Variants in PTPRD observed in about 807,000 individuals in gnomAD.
PTPRD encodes protein tyrosine phosphatase receptor type D.
A neutral mutation model predicts 214.5 loss-of-function variants in PTPRD; 34 were observed. The observed-to-expected ratio is 0.16, with a 90% CI of 0.12 to 0.21. PTPRD has a LOEUF of 0.21. PTPRD is among the 10% of genes least tolerant of loss of function. The probability of loss-of-function intolerance (pLI) is 1.00; values close to 1 mark genes in which losing one functional copy is unlikely to be tolerated. For synonymous variants in PTPRD, 1,128 were observed against 845.7 expected, an observed-to-expected ratio of 1.33 and a Z score of -5.79; for missense variants, 2,545 against 2,398.7, an observed-to-expected ratio of 1.06 and a Z score of -1.27.
intron 5 of PTPRD, among the ~76,000 whole-genome samples, chr9:9,894,804 C>A (rs1215669293): frequency 1.3e-5 from 2 of 152,000 alleles, no homozygotes; most frequent in Non-Finnish European, 2.9e-5. Context: ...CTGTTACATA[C>A]ACGGTAATAA....
At chr9:8,462,976 C>G (rs931297345) in intron 32 of PTPRD, among the ~76,000 whole-genome samples, 1 of 151,802 alleles carries the variant, frequency 6.6e-6, no homozygotes, top group African/African-American at 2.4e-5. Context: ...CAAATCTTGG[C>G]TGAATAAGAC....
chr9:10,300,405 A>G (rs1187353671), intron 3 of PTPRD, among the ~76,000 whole-genome samples: 1 of 152,156 alleles, frequency 6.6e-6, no homozygotes, highest in Non-Finnish European at 1.5e-5. Context: ...AATGCCAGCA[A>G]GACAGAACCA....
intron 3 of PTPRD, among the ~76,000 whole-genome samples, chr9:10,195,098 ATTTTTTTTTTT>A (rs34900305): frequency 5.1e-5 from 5 of 97,910 alleles, no homozygotes; most frequent in Non-Finnish European, 7.7e-5. Flanking sequence ...ATACCCGGCT[ATTTTTTTTTTT>A]TTTTTTTTTT....
chr9:10,160,606 C>T (rs1466373899), intron 3 of PTPRD, among the ~76,000 whole-genome samples: 1 of 151,808 alleles, frequency 6.6e-6, no homozygotes, highest in East Asian at 1.9e-4. Context: ...GTAAGCCAAG[C>T]CCACAGCTAA....
intron 11 of PTPRD, among the ~76,000 whole-genome samples, chr9:8,915,846 T>C (rs1470448069): frequency 1.3e-5 from 2 of 152,298 alleles, no homozygotes; most frequent in Non-Finnish European, 2.9e-5. Flanking sequence ...CTTCATCTAA[T>C]AAAAACACCC....
chr9:9,084,052 G>A (rs2099763171), intron 10 of PTPRD, among the ~76,000 whole-genome samples: 1 of 151,960 alleles, frequency 6.6e-6, no homozygotes, highest in Admixed American at 6.6e-5. Flanking sequence ...CCCATTTCTG[G>A]GTATATACCC....
intron 3 of PTPRD, among the ~76,000 whole-genome samples, chr9:10,085,488 T>C (rs2098321024): frequency 6.6e-6 from 1 of 151,890 alleles, no homozygotes; most frequent in Non-Finnish European, 1.5e-5. Flanking sequence ...TGTTGGTCAT[T>C]TCATCTTTTT....
chr9:9,828,728 T>C (rs1037556580), intron 5 of PTPRD, among the ~76,000 whole-genome samples: 4 of 151,576 alleles, frequency 2.6e-5, no homozygotes, highest in Non-Finnish European at 5.9e-5. Flanking sequence ...TTTTTTTTTT[T>C]ACTTTGCTTG....
intron 10 of PTPRD, among the ~76,000 whole-genome samples, chr9:9,164,108 A>AT (rs1008876959): frequency 3.1e-4 from 47 of 151,086 alleles, no homozygotes; most frequent in South Asian, 6.3e-4. Flanking sequence ...AATTACACCA[A>AT]TTTTTTTTTG....
chr9:9,146,431 C>G (rs1018408591), intron 10 of PTPRD, among the ~76,000 whole-genome samples: 1 of 152,030 alleles, frequency 6.6e-6, no homozygotes, highest in African/African-American at 2.4e-5. Context: ...TGATGTGAGG[C>G]TCAGGAGTCT....
intron 11 of PTPRD, among the ~76,000 whole-genome samples, chr9:8,996,533 T>A (rs1420715749): frequency 1.3e-5 from 2 of 152,062 alleles, no homozygotes; most frequent in African/African-American, 4.8e-5. Context: ...CCATTTGGGC[T>A]ACTATAGCAA....
At chr9:8,944,010 G>A (rs1340633358) in intron 11 of PTPRD, among the ~76,000 whole-genome samples, 1 of 151,790 alleles carries the variant, frequency 6.6e-6, no homozygotes, top group African/African-American at 2.4e-5. Context: ...ATCTGAAAAG[G>A]ATTAATAACC....
At position 9,047,008 on chromosome 9, in the gene PTPRD, T is replaced by C. The variant is rs141442740; in HGVS notation, c.-142-28273A>G. On this transcript the variant is annotated intron_variant, in intron 10 of 45. Transcript: ENST00000381196. ...TGCTTGCAGATGGTATGATCTTATA[T>C]TTGGAAAAACCTACAGATTCCACAA... Among the ~76,000 whole-genome samples the C allele has an allele frequency of 7.1e-3, 1,077 of 152,262 alleles. 19 individuals carry two copies. The highest frequency in any genetic ancestry group is 0.025 in the African/African-American group (1,029 of 41,554).
At chr9:9,922,687 A>C (rs1602259157) in intron 5 of PTPRD, among the ~76,000 whole-genome samples, 1 of 152,126 alleles carries the variant, frequency 6.6e-6, no homozygotes, top group East Asian at 1.9e-4. Context: ...AAGTTATTGG[A>C]AAAGTATGAA....
At chr9:9,935,252 G>T (rs2088738129) in intron 5 of PTPRD, among the ~76,000 whole-genome samples, 1 of 152,100 alleles carries the variant, frequency 6.6e-6, no homozygotes, top group East Asian at 1.9e-4. Flanking sequence ...AGGAAATAAA[G>T]GGTATTCAAT....
At chr9:9,537,375 T>C (rs987897674) in intron 8 of PTPRD, among the ~76,000 whole-genome samples, 3 of 151,926 alleles carry the variant, frequency 2.0e-5, no homozygotes, top group Non-Finnish European at 4.4e-5. Flanking sequence ...AGTGGAGAAT[T>C]ATGGGTAACA....
chr9:10,001,668 C>T (rs994544134), intron 4 of PTPRD, among the ~76,000 whole-genome samples: 3 of 151,884 alleles, frequency 2.0e-5, no homozygotes, highest in Non-Finnish European at 4.4e-5. Flanking sequence ...TTTTTTAAAA[C>T]ATAGGAGAAA....
intron 4 of PTPRD, among the ~76,000 whole-genome samples, chr9:9,962,368 A>C (rs1389928165): frequency 6.6e-6 from 1 of 152,106 alleles, no homozygotes; most frequent in Non-Finnish European, 1.5e-5. Context: ...TAATTAAAGA[A>C]TTACCAACAA....
At chr9:10,563,661 TATC>T (rs1199059295) in intron 2 of PTPRD, among the ~76,000 whole-genome samples, 1 of 135,342 alleles carries the variant, frequency 7.4e-6, no homozygotes, top group Non-Finnish European at 1.6e-5. Context: ...GTTTTGTTGT[TATC>T]ATCGTTATTT....
Sources: allele counts gnomAD v4.1 joint callset (sites outside exome capture counted in the v4.1 genomes callset), GRCh38; gene constraint gnomAD v4.1.1; transcripts MANE v1.5; gene names NCBI Gene and HGNC (gene_info 2026-07-23, HGNC 2026-07-21).